Variants in HEATR9 observed in about 807,000 individuals in gnomAD.
HEATR9 encodes the protein HEAT repeat containing 9.
Under a neutral mutation model 68.2 loss-of-function variants are expected in HEATR9, and 54 were observed. That is an observed-to-expected ratio of 0.79 (90% confidence interval 0.64 to 0.99). The LOEUF is 0.99. Ranked by LOEUF, HEATR9 falls within the 50% of genes least tolerant of loss-of-function variation. The pLI is 0.00. For synonymous variants in HEATR9, 241 were observed against 253.5 expected, an observed-to-expected ratio of 0.95 and a Z score of 0.47; for missense variants, 662 against 679.7, an observed-to-expected ratio of 0.97 and a Z score of 0.29.
At chr17:35,859,155 C>T in intron 8 of HEATR9, 85 bp from the exon 9 acceptor site, 1 of 1,185,282 alleles carries the variant, frequency 8.4e-7, no homozygotes. Context: ...CACCTTCCTC[C>T]CTAAAATGAA....
chr17:35,861,339 A>G, intron 8 of HEATR9: 9 of 1,494,034 alleles, frequency 6.0e-6, no homozygotes, highest in Non-Finnish European at 8.4e-6. Flanking sequence ...TGATAGGTTC[A>G]TTTCTATGTT....
chr17:35,863,612 A>G lies in HEATR9; in HGVS notation c.568-53T>C, dbSNP rs899934643. On this transcript the variant is annotated intron_variant, in intron 6 of 14. Transcript: ENST00000604834. ...ATATAATAAGGTGATGGAATGTCAG[A>G]GCTTTAGGGATTGTCTCAGCTTAAC... is the stretch of plus-strand genomic sequence containing the variant. 3.2e-6 allele frequency: 5 copies of G among 1,561,578 alleles called. No homozygotes were observed. In the African/African-American group the frequency reaches 6.8e-5, roughly 21 times the overall value.
intron 6 of HEATR9, 149 bp downstream of exon 6, chr17:35,864,097 G>A: frequency 4.7e-6 from 3 of 643,210 alleles, no homozygotes; most frequent in Non-Finnish European, 8.5e-6. Flanking sequence ...CAAGGACATG[G>A]GATGGGTCAT....
intron 8 of HEATR9, among the ~76,000 whole-genome samples, chr17:35,862,788 C>T (rs1240348524): frequency 6.6e-6 from 1 of 152,196 alleles, no homozygotes; most frequent in African/African-American, 2.4e-5. Flanking sequence ...ATACAAACTG[C>T]AGCTCTGAAA....
In HEATR9 at chr17:35,855,172, G is replaced by C. The variant is rs1259150869; in HGVS notation, c.1604C>G (p.Ala535Gly). 1 of 1,614,144 alleles carries C rather than the reference G, an allele frequency of 6.2e-7. No homozygotes were observed. Among genetic ancestry groups the C allele is most frequent in the Non-Finnish European group, 8.5e-7 (1 of 1,180,030 alleles). Residue 535 changes from alanine (A) to glycine (G), a missense_variant, in exon 15 of 15, where the codon GCT (alanine) becomes GGT (glycine). Transcript: ENST00000604834. Reference sequence around the variant, plus strand: ...TGGTTTCGAGCAGCACGGTGGGAAAGCAGGCGTTTTCTTTTGGCCTACTTT... The same window carrying C: ...TGGTTTCGAGCAGCACGGTGGGAAACCAGGCGTTTTCTTTTGGCCTACTTT... ...ITKVGQKKTP[A>G]FPPCCSKPRK...
At chr17:35,855,549 C>G in intron 14 of HEATR9, 115 bp downstream of exon 14, 1 of 1,298,884 alleles carries the variant, frequency 7.7e-7, no homozygotes, top group Non-Finnish European at 1.1e-6. Context: ...GGGACAGTGT[C>G]TAAGGGCTCA....
chr17:35,860,526 G>A (rs1357863570), intron 8 of HEATR9, among the ~76,000 whole-genome samples: 1 of 147,040 alleles, frequency 6.8e-6, no homozygotes, highest in Non-Finnish European at 1.5e-5. Flanking sequence ...GTCTCGCTCT[G>A]TTGCCCAGGC....
chr17:35,859,139 T>C, intron 8 of HEATR9, 69 bp from the exon 9 acceptor site: 1 of 1,310,198 alleles, frequency 7.6e-7, no homozygotes, highest in Admixed American at 2.0e-5. Context: ...GCTTCCAGAC[T>C]ATATTCACCT....
intron 8 of HEATR9, among the ~76,000 whole-genome samples, chr17:35,860,483 A>T (rs867104508): frequency 0.023 from 3,054 of 131,734 alleles, 60 homozygotes; most frequent in Admixed American, 0.059. Flanking sequence ...TATTTATTTT[A>T]TTTATTTATT....
chr17:35,865,085 C>T, intron 3 of HEATR9, 130 bp downstream of exon 3: 3 of 1,305,208 alleles, frequency 2.3e-6, no homozygotes, highest in Non-Finnish European at 3.2e-6. Context: ...CCAAGCCGAG[C>T]CGCCCTAAGC....
At position 35,864,541 on chromosome 17, in the gene HEATR9, T is replaced by C. The variant is rs1380597580; in HGVS notation, c.466A>G (p.Ser156Gly). The change falls in exon 5 of 15, where the codon AGC becomes GGC. Residue 156 changes from serine (S) to glycine (G), a missense_variant. By Grantham distance (56) the Ser-to-Gly change is moderately conservative. Coordinates refer to ENST00000604834, the MANE Select transcript of HEATR9 (RefSeq NM_152781.4). ...KWQRLRELTK[S>G]LESPREDEQF... is the part of the protein sequence containing the mutation. ...TCATCCTCTCTGGGAGATTCCAGGC[T>C]TTTTGTGAGTTCCTGCCCATCCAAG... 2.5e-6 allele frequency: 4 copies of C among 1,613,864 alleles called. No individual in the cohort carries two copies. Among genetic ancestry groups the C allele is most frequent in the Non-Finnish European group, 3.4e-6 (4 of 1,179,908 alleles).
At chr17:35,856,651 C>G (rs1037337161) in intron 12 of HEATR9, 81 bp downstream of exon 12, 12 of 1,281,106 alleles carry the variant, frequency 9.4e-6, no homozygotes, top group Non-Finnish European at 1.3e-5. Context: ...CCTCTGACCC[C>G]TTCCCACTGA....
chr17:35,855,118 G>A lies in HEATR9; in HGVS notation c.1658C>T (p.Pro553Leu), dbSNP rs778650933. ...CTGTTTCTTGATCCTTGGCTGCCAG[G>A]GCCCTATGACCTGTGGCCTATGTTT... ...PRKHRPQVIG[P>L]WQPRIKKQLR... The change falls in exon 15 of 15, where the codon CCC becomes CTC. Residue 553 changes from proline to leucine, a missense_variant. Physicochemically the swap from Pro to Leu is moderately conservative, Grantham distance 98. Transcript: ENST00000604834. 8 of 1,613,998 alleles carry A rather than the reference G, an allele frequency of 5.0e-6. No homozygotes were observed. The highest frequency in any genetic ancestry group is 6.8e-6 in the Non-Finnish European group (8 of 1,180,030).
intron 3 of HEATR9, 129 bp from the exon 4 acceptor site, chr17:35,865,019 A>T: frequency 7.2e-7 from 1 of 1,388,576 alleles, no homozygotes; most frequent in Non-Finnish European, 1.0e-6. Flanking sequence ...ATGAGGACTC[A>T]GTGATATCCA....
chr17:35,862,548 A>G (rs543878170), intron 8 of HEATR9, among the ~76,000 whole-genome samples: 2 of 152,230 alleles, frequency 1.3e-5, no homozygotes, highest in Non-Finnish European at 2.9e-5. Context: ...GGTGTTTTAC[A>G]TACATTATCT....
In HEATR9 at chr17:35,866,721, T is replaced by C; in HGVS notation, c.138+3A>G. 1 of 1,613,732 alleles carries C rather than the reference T, an allele frequency of 6.2e-7. No individual in the cohort carries two copies. Among genetic ancestry groups the C allele is most frequent in the Non-Finnish European group, 8.5e-7 (1 of 1,179,636 alleles). ...CCAGGGTAGCAAAAGTAAGGGGTCT[T>C]ACCTGGTAGCAGGACAAGGGCAGAT... On this transcript the variant is annotated splice_donor_region_variant and intron_variant, in intron 2 of 14. Coordinates refer to ENST00000604834, the MANE Select transcript of HEATR9 (RefSeq NM_152781.4).
chr17:35,863,410 G>T, intron 7 of HEATR9, 92 bp downstream of exon 7: 1 of 1,345,240 alleles, frequency 7.4e-7, no homozygotes, highest in Non-Finnish European at 1.1e-6. Context: ...GTAGGTTGGA[G>T]CAAGTGTATG....
chr17:35,866,393 T>G lies in HEATR9; in HGVS notation c.138+331A>C, dbSNP rs981809660. On this transcript the variant is annotated intron_variant, in intron 2 of 14. Coordinates refer to ENST00000604834, the MANE Select transcript of HEATR9 (RefSeq NM_152781.4). ...TCAAATTTAATTGGGCATTCTGTAT[T>G]TCATCTGGCAACCCAAACTGTGAGG... is the stretch of plus-strand genomic sequence containing the variant. Among the ~76,000 whole-genome samples the G allele has an allele frequency of 1.3e-4, 20 of 152,222 alleles. 1 individual carries two copies. Among genetic ancestry groups the G allele is most frequent in the African/African-American group, 4.8e-4 (20 of 41,466 alleles).
chr17:35,864,802 G>T lies in HEATR9; in HGVS notation c.409C>A (p.Pro137Thr). The T allele has an allele frequency of 6.2e-7, 1 of 1,614,160 alleles. No homozygotes were observed. Among genetic ancestry groups the T allele is most frequent in the Non-Finnish European group, 8.5e-7 (1 of 1,180,032 alleles). The change falls in exon 4 of 15, where the codon CCC (proline) becomes ACC (threonine). Residue 137 changes from proline to threonine, a missense_variant. Coordinates refer to ENST00000604834, the MANE Select transcript of HEATR9 (RefSeq NM_152781.4). The part of the protein sequence containing the change: ...LTIKSEMRSR[P>T]LEPTQDPLKW... The stretch of plus-strand genomic sequence containing the variant: ...AGGGGGTCCTGGGTAGGCTCTAAGG[G>T]CCTGGATCGCATCTCAGATTTTATA...
Sources: gnomAD v4.1 joint callset for allele counts (sites outside exome capture counted in the v4.1 genomes callset) on GRCh38, gnomAD v4.1.1 for gene constraint, MANE v1.5 for transcripts, NCBI Gene and HGNC (gene_info 2026-07-23, HGNC 2026-07-21) for gene names.